The following IQCJ variants were observed in gnomAD, a reference collection of about 807,000 sequenced individuals.
The protein encoded by IQCJ is IQ motif containing J.
A neutral mutation model predicts 11.0 loss-of-function variants in IQCJ; 9 were observed. The observed-to-expected ratio is 0.82, with a 90% CI of 0.49 to 1.43. The LOEUF (loss-of-function observed/expected upper bound fraction) is 1.43. IQCJ is among the 40% of genes most tolerant of loss of function. The probability of loss-of-function intolerance (pLI) is 0.00; values close to 1 mark genes in which losing one functional copy is unlikely to be tolerated. For missense variants in IQCJ, 146 were observed against 133.2 expected (o/e 1.10, Z -0.47); for synonymous variants, 55 against 51.3 (o/e 1.07, Z -0.31).
chr3:159,216,396 T>C (rs2108105750), intron 1 of IQCJ, among the ~76,000 whole-genome samples: 1 of 152,348 alleles, frequency 6.6e-6, no homozygotes, highest in South Asian at 2.1e-4. Context: ...TTTCAGATGC[T>C]TCTGCATGTA....
intron 1 of IQCJ, among the ~76,000 whole-genome samples, chr3:159,150,615 C>T (rs2047676): frequency 0.29 from 43,303 of 149,844 alleles, 6,384 homozygotes; most frequent in South Asian, 0.38. Flanking sequence ...CACACACACA[C>T]ATATTCTGGG....
In IQCJ at chr3:159,150,944, G is replaced by A. The variant is rs375171386; in HGVS notation, c.9+81503G>A. Among the ~76,000 whole-genome samples, 17 of 152,264 alleles carry A rather than the reference G, an allele frequency of 1.1e-4. No individual in the cohort carries two copies. The South Asian group carries it at 1.5e-3, about 13-fold the overall frequency. On this transcript the variant is annotated intron_variant, in intron 1 of 3. Transcript: ENST00000397832. ...CATGAATGGATAAATATTGCAGCCC[G>A]TGCCATCCCCTGGTCCTGCGTGCTG...
intron 1 of IQCJ, among the ~76,000 whole-genome samples, chr3:159,152,023 C>A (rs1333659876): frequency 2.0e-5 from 3 of 152,154 alleles, no homozygotes; most frequent in African/African-American, 4.8e-5. Context: ...AGCCAGATAC[C>A]TAATTTCTAG....
chr3:159,242,111 T>C (rs566987941), intron 1 of IQCJ, among the ~76,000 whole-genome samples: 1 of 152,270 alleles, frequency 6.6e-6, no homozygotes, highest in East Asian at 1.9e-4. Context: ...TGGCTGTTTC[T>C]GAAACACCCC....
chr3:159,195,457 T>C (rs1246083086), intron 1 of IQCJ, among the ~76,000 whole-genome samples: 1 of 152,318 alleles, frequency 6.6e-6, no homozygotes, highest in East Asian at 1.9e-4. Flanking sequence ...TGGTAGCCTT[T>C]AACAGGGAGG....
intron 1 of IQCJ, among the ~76,000 whole-genome samples, chr3:159,172,532 T>G (rs1174821207): frequency 6.6e-6 from 1 of 152,114 alleles, no homozygotes; most frequent in Non-Finnish European, 1.5e-5. Flanking sequence ...ATAGTTGGCA[T>G]CAAATTACTC....
chr3:159,261,835 AG>A (rs11293762), intron 3 of IQCJ, among the ~76,000 whole-genome samples: 22,039 of 152,282 alleles, frequency 0.14, 1,817 homozygotes, highest in Middle Eastern at 0.21. Flanking sequence ...AACCTGAAAT[AG>A]CTGCCTAATG....
rs1273895060 is a variant in IQCJ at position 159,252,736 on chromosome 3, G to A, written c.84G>A (p.Leu28=). The A allele has an allele frequency of 1.9e-5, 30 of 1,610,974 alleles. No individual in the cohort carries two copies. The highest frequency in any genetic ancestry group is 2.5e-5 in the Non-Finnish European group (30 of 1,178,382). ...TTATTTCTGTTTCTAGTCACCAGCT[G>A]GCCATGGATGCAGAGAATAATATTG... ...DGKYSFENHQ[L]AMDAENNIEK... Residue 28 remains leucine, a synonymous_variant, in exon 3 of 4, where the codon CTG becomes CTA. Coordinates refer to ENST00000397832, the MANE Select transcript of IQCJ (RefSeq NM_001042706.3).
chr3:159,259,684 T>C (rs866901580), intron 3 of IQCJ, among the ~76,000 whole-genome samples: 4 of 152,208 alleles, frequency 2.6e-5, no homozygotes, highest in Non-Finnish European at 5.9e-5. Context: ...ATGTAAACAC[T>C]TTTCTATGAT....
intron 1 of IQCJ, among the ~76,000 whole-genome samples, chr3:159,214,544 C>T (rs1239718596): frequency 6.6e-6 from 1 of 152,216 alleles, no homozygotes; most frequent in East Asian, 1.9e-4. Context: ...ATAGCATAGG[C>T]TTTAGATCCC....
At chr3:159,171,126 G>T (rs78433248) in intron 1 of IQCJ, among the ~76,000 whole-genome samples, 1 of 151,302 alleles carries the variant, frequency 6.6e-6, no homozygotes, top group Non-Finnish European at 1.5e-5. Flanking sequence ...TATGGCCAGT[G>T]TTTAGTTGCA....
intron 1 of IQCJ, among the ~76,000 whole-genome samples, chr3:159,113,368 C>T (rs1329582250): frequency 2.6e-5 from 4 of 152,244 alleles, no homozygotes; most frequent in East Asian, 3.9e-4. Context: ...AAGGCCTGGC[C>T]GTTTTTCTTT....
chr3:159,088,491 A>G (rs925511276), intron 1 of IQCJ, among the ~76,000 whole-genome samples: 4 of 152,198 alleles, frequency 2.6e-5, no homozygotes, highest in African/African-American at 7.2e-5. Flanking sequence ...TTTCTGTCTC[A>G]TTGATCTGTC....
intron 1 of IQCJ, among the ~76,000 whole-genome samples, chr3:159,212,423 G>C (rs1451655004): frequency 6.6e-6 from 1 of 152,080 alleles, no homozygotes; most frequent in Non-Finnish European, 1.5e-5. Flanking sequence ...TTAAATGTTT[G>C]GTACTTAGGA....
chr3:159,141,909 A>T (rs1395111457), intron 1 of IQCJ, among the ~76,000 whole-genome samples: 1 of 152,202 alleles, frequency 6.6e-6, no homozygotes, highest in African/African-American at 2.4e-5. Context: ...CCATTGCCCA[A>T]TGATTACTGT....
Position 159,091,654 on chromosome 3 carries a change from A to ACG in IQCJ, c.9+22214_9+22215insGC, listed in dbSNP as rs1717297978. 3.5e-5 allele frequency among the ~76,000 whole-genome samples: 2 copies of ACG among 56,580 alleles called. 1 individual carries two copies. Among genetic ancestry groups the ACG allele is most frequent in the African/African-American group, 1.1e-4 (2 of 17,836 alleles). 37.1% of individuals were successfully genotyped at this position (56,580 alleles called of 152,430 possible). On this transcript the variant is annotated intron_variant, in intron 1 of 3. Transcript: ENST00000397832. ...AGAACCTAAAGGGGTATTTACACAC[A>ACG]CACACACACACACACGCATGCACAC...
At chr3:159,215,879 TAC>T (rs948862013) in intron 1 of IQCJ, among the ~76,000 whole-genome samples, 1 of 152,080 alleles carries the variant, frequency 6.6e-6, no homozygotes, top group Admixed American at 6.6e-5. Context: ...TTGTTTCCCC[TAC>T]AAGATCAAGT....
At chr3:159,074,151 A>T (rs1381514983) in intron 1 of IQCJ, among the ~76,000 whole-genome samples, 1 of 152,116 alleles carries the variant, frequency 6.6e-6, no homozygotes, top group Non-Finnish European at 1.5e-5. Context: ...CAGAGAAGTA[A>T]CATGATCAAA....
intron 1 of IQCJ, among the ~76,000 whole-genome samples, chr3:159,137,834 T>C (rs909894425): frequency 6.6e-6 from 1 of 152,194 alleles, no homozygotes; most frequent in Non-Finnish European, 1.5e-5. Context: ...CCAAGGTTTT[T>C]GTTAAACTTA....
Sources: allele counts gnomAD v4.1 joint callset (sites outside exome capture counted in the v4.1 genomes callset), GRCh38; gene constraint gnomAD v4.1.1; transcripts MANE v1.5; gene names NCBI Gene and HGNC (gene_info 2026-07-23, HGNC 2026-07-21).